KCNT2: variants seen among roughly 807,000 people sequenced by gnomAD.
KCNT2 encodes the protein potassium sodium-activated channel subfamily T member 2.
In KCNT2, 67 loss-of-function variants were observed where a neutral mutation model predicts 153.8. That is an observed-to-expected ratio of 0.44 (90% CI 0.36 to 0.53). KCNT2 has a LOEUF of 0.53. KCNT2 is among the 20% of genes least tolerant of loss of function. KCNT2 has a pLI of 0.00. For missense variants in KCNT2, 975 were observed against 1,354.8 expected (o/e 0.72, Z 4.40); for synonymous variants, 500 against 458.8 (o/e 1.09, Z -1.15).
At chr1:196,424,839 T>C (rs1430204140) in intron 11 of KCNT2, among the ~76,000 whole-genome samples, 2 of 151,542 alleles carry the variant, frequency 1.3e-5, no homozygotes, top group African/African-American at 2.4e-5. Context: ...CAGTTGACTT[T>C]TCTTCTGTTC....
At chr1:196,496,236 G>A (rs1282834691) in intron 1 of KCNT2, among the ~76,000 whole-genome samples, 2 of 152,050 alleles carry the variant, frequency 1.3e-5, no homozygotes, top group Admixed American at 6.5e-5. Flanking sequence ...TTGGGAGGCC[G>A]AGGCGGGTGG....
chr1:196,478,359 C>A (rs1003311566), intron 5 of KCNT2, among the ~76,000 whole-genome samples: 1 of 152,148 alleles, frequency 6.6e-6, no homozygotes, highest in Admixed American at 6.5e-5. Context: ...AACTGAATTT[C>A]AATTACAGAA....
chr1:196,585,514 T>C (rs1423465744), intron 1 of KCNT2, among the ~76,000 whole-genome samples: 5 of 152,084 alleles, frequency 3.3e-5, no homozygotes. Flanking sequence ...AGTCGATAAT[T>C]CAATTGCCCA....
chr1:196,284,684 T>C (rs2147886746), intron 23 of KCNT2, among the ~76,000 whole-genome samples: 2 of 152,162 alleles, frequency 1.3e-5, no homozygotes, highest in African/African-American at 4.8e-5. Context: ...ACCCAGATAA[T>C]ATGTCTGGAA....
At chr1:196,415,956 C>T (rs1672721080) in intron 12 of KCNT2, among the ~76,000 whole-genome samples, 2 of 151,754 alleles carry the variant, frequency 1.3e-5, no homozygotes, top group Non-Finnish European at 2.9e-5. Flanking sequence ...TTTCAGTTAC[C>T]CAAGATTAAC....
chr1:196,348,932 A>G (rs1280256511), intron 14 of KCNT2, among the ~76,000 whole-genome samples: 1 of 151,806 alleles, frequency 6.6e-6, no homozygotes, highest in East Asian at 1.9e-4. Flanking sequence ...AATCCCAGCT[A>G]CTCCAGCCTG....
intron 1 of KCNT2, among the ~76,000 whole-genome samples, chr1:196,535,483 T>C (rs937299074): frequency 1.3e-5 from 2 of 152,184 alleles, no homozygotes; most frequent in Admixed American, 1.3e-4. Context: ...TGAGAAAACA[T>C]AGTAAAATGT....
chr1:196,461,068 T>C (rs1677106666), intron 8 of KCNT2, among the ~76,000 whole-genome samples: 3 of 151,706 alleles, frequency 2.0e-5, no homozygotes, highest in South Asian at 2.1e-4. Flanking sequence ...AATATGACAG[T>C]GGCAATTAAC....
At chr1:196,487,143 C>CA (rs1679487658) in intron 3 of KCNT2, among the ~76,000 whole-genome samples, 1 of 151,756 alleles carries the variant, frequency 6.6e-6, no homozygotes, top group Non-Finnish European at 1.5e-5. Context: ...GAGTCGAGTG[C>CA]AAAAAAGTCA....
At chr1:196,476,556 A>T (rs955312251) in intron 5 of KCNT2, among the ~76,000 whole-genome samples, 8 of 152,018 alleles carry the variant, frequency 5.3e-5, no homozygotes, top group African/African-American at 1.9e-4. Context: ...TAATTTAGGG[A>T]TGTGTGGCTC....
chr1:196,440,913 TTGAGAACTCC>T (rs1183863915), intron 8 of KCNT2, among the ~76,000 whole-genome samples: 1 of 151,810 alleles, frequency 6.6e-6, no homozygotes, highest in African/African-American at 2.4e-5. Context: ...AATCTGAACC[TTGAGAACTCC>T]TGACAAAGTA....
intron 1 of KCNT2, among the ~76,000 whole-genome samples, chr1:196,497,788 T>C (rs903754481): frequency 3.9e-5 from 6 of 152,200 alleles, no homozygotes; most frequent in Non-Finnish European, 8.8e-5. Context: ...TTTCCTATGA[T>C]GCAATTGTTT....
chr1:196,597,719 A>C (rs1664254748), intron 1 of KCNT2, among the ~76,000 whole-genome samples: 1 of 152,172 alleles, frequency 6.6e-6, no homozygotes, highest in South Asian at 2.1e-4. Context: ...TGGAAGTCAT[A>C]CTATGTACCT....
intron 17 of KCNT2, among the ~76,000 whole-genome samples, chr1:196,332,377 C>A (rs533265667): frequency 1.3e-5 from 2 of 152,162 alleles, no homozygotes; most frequent in African/African-American, 4.8e-5. Context: ...AAACCTATCC[C>A]TGTTCCCATC....
intron 13 of KCNT2, among the ~76,000 whole-genome samples, chr1:196,393,555 A>C (rs993064764): frequency 6.6e-6 from 1 of 151,328 alleles, no homozygotes; most frequent in Non-Finnish European, 1.5e-5. Context: ...TTATCCTCCT[A>C]GTAAAGTACA....
intron 1 of KCNT2, among the ~76,000 whole-genome samples, chr1:196,510,426 C>T (rs1281343910): frequency 2.0e-5 from 3 of 152,138 alleles, no homozygotes; most frequent in East Asian, 1.9e-4. Context: ...ACACAATTTA[C>T]CCTAACTTAT....
chr1:196,485,785 C>T (rs955796975), intron 3 of KCNT2, among the ~76,000 whole-genome samples: 1 of 151,666 alleles, frequency 6.6e-6, no homozygotes, highest in African/African-American at 2.4e-5. Context: ...TGTTCAAACC[C>T]TCCTTCATAA....
At chr1:196,558,806 C>T (rs1020955426) in intron 1 of KCNT2, among the ~76,000 whole-genome samples, 5 of 151,406 alleles carry the variant, frequency 3.3e-5, no homozygotes, top group Non-Finnish European at 1.5e-5. Flanking sequence ...GAAAAATACA[C>T]ATTAAATCAA....
rs1283315127 is a variant in KCNT2, at chr1:196,601,753, A to T, written c.95+6462T>A. Reference sequence around the variant, plus strand: ...CCTTTTTTTAGAATTGCCACATAAAATTACAAAACAATGTAAAAGATAAAT... The same window carrying T: ...CCTTTTTTTAGAATTGCCACATAAATTTACAAAACAATGTAAAAGATAAAT... On this transcript the variant is annotated intron_variant, in intron 1 of 27. Coordinates refer to ENST00000294725, the MANE Select transcript of KCNT2 (RefSeq NM_198503.5). Among the ~76,000 whole-genome samples, 3 of 152,326 alleles carry T rather than the reference A, an allele frequency of 2.0e-5. No homozygotes were observed. In the East Asian group the frequency reaches 5.8e-4, roughly 29 times the overall value.
Sources: allele counts gnomAD v4.1 joint callset (sites outside exome capture counted in the v4.1 genomes callset), GRCh38; gene constraint gnomAD v4.1.1; transcripts MANE v1.5; gene names NCBI Gene and HGNC (gene_info 2026-07-23, HGNC 2026-07-21).